COP1: variants seen among roughly 807,000 people sequenced by gnomAD.
COP1 encodes E3 ubiquitin-protein ligase COP1.
Under a neutral mutation model 101.3 loss-of-function variants are expected in COP1, and 24 were observed. The observed-to-expected ratio is 0.24, with a 90% confidence interval of 0.17 to 0.33. The LOEUF is 0.33. Ranked by LOEUF, COP1 falls within the 10% of genes least tolerant of loss-of-function variation. COP1 has a pLI of 1.00. For synonymous variants in COP1, 347 were observed against 341.9 expected (o/e 1.01, Z -0.17); for missense variants, 663 against 906.2 (o/e 0.73, Z 3.45).
chr1:176,051,117 A>G (rs544977109), intron 11 of COP1, among the ~76,000 whole-genome samples: 1 of 152,346 alleles, frequency 6.6e-6, no homozygotes, highest in South Asian at 2.1e-4. Context: ...GATTACAGAC[A>G]ATATATGCAA....
intron 15 of COP1, among the ~76,000 whole-genome samples, chr1:176,007,374 C>G (rs1297921090): frequency 6.6e-6 from 1 of 152,214 alleles, no homozygotes; most frequent in Non-Finnish European, 1.5e-5. Context: ...CAGCTTTGTT[C>G]CGTTGCTGGT....
At chr1:176,065,769 G>A (rs1382429061) in intron 11 of COP1, among the ~76,000 whole-genome samples, 2 of 148,870 alleles carry the variant, frequency 1.3e-5, no homozygotes, top group African/African-American at 2.5e-5. Context: ...GTGCAGTGGC[G>A]CAATCTTGGC....
chr1:176,084,457 C>G (rs1679750480), intron 10 of COP1, among the ~76,000 whole-genome samples: 1 of 152,128 alleles, frequency 6.6e-6, no homozygotes, highest in African/African-American at 2.4e-5. Flanking sequence ...AATACCATCC[C>G]CATCAAGCTA....
chr1:175,991,700 A>C (rs1658519645), intron 15 of COP1, among the ~76,000 whole-genome samples: 1 of 152,216 alleles, frequency 6.6e-6, no homozygotes, highest in Non-Finnish European at 1.5e-5. Context: ...TTTCCTTATA[A>C]GTTAAAAAAT....
At chr1:176,199,102 G>A (rs375694986) in intron 1 of COP1, among the ~76,000 whole-genome samples, 2 of 152,176 alleles carry the variant, frequency 1.3e-5, no homozygotes, top group African/African-American at 4.8e-5. Flanking sequence ...GGGACCATGA[G>A]GTCCAGGGAT....
chr1:176,204,976 G>T (rs1700680424), intron 1 of COP1, among the ~76,000 whole-genome samples: 1 of 152,112 alleles, frequency 6.6e-6, no homozygotes, highest in East Asian at 1.9e-4. Flanking sequence ...ATTCCCTATA[G>T]CATAGCCTGC....
intron 11 of COP1, among the ~76,000 whole-genome samples, chr1:176,049,178 CAAAAA>C (rs61267982): frequency 1.7e-5 from 2 of 118,364 alleles, no homozygotes; most frequent in Non-Finnish European, 3.5e-5. Context: ...GACTCCGTCT[CAAAAA>C]AAAAAAAAAA....
At chr1:176,025,211 T>C (rs1667459137) in intron 15 of COP1, among the ~76,000 whole-genome samples, 1 of 152,054 alleles carries the variant, frequency 6.6e-6, no homozygotes, top group Non-Finnish European at 1.5e-5. Context: ...AGCAGAACAC[T>C]AAAGCTCATT....
intron 15 of COP1, among the ~76,000 whole-genome samples, chr1:176,020,209 G>A (rs1183421708): frequency 6.6e-6 from 1 of 151,678 alleles, no homozygotes; most frequent in African/African-American, 2.4e-5. Flanking sequence ...TACTCAGGAG[G>A]CTGAGGCAGG....
At chr1:176,116,572 C>G in intron 9 of COP1, 52 bp downstream of exon 9, 1 of 1,375,760 alleles carries the variant, frequency 7.3e-7, no homozygotes, top group Non-Finnish European at 1.0e-6. Flanking sequence ...GATTTTATAA[C>G]TCAGATAATT....
intron 18 of COP1, among the ~76,000 whole-genome samples, chr1:175,955,781 C>CAA (rs966884607): frequency 3.3e-5 from 5 of 151,176 alleles, no homozygotes; most frequent in African/African-American, 1.2e-4. Flanking sequence ...CACACACACA[C>CAA]ACACACACAC....
intron 18 of COP1, among the ~76,000 whole-genome samples, chr1:175,950,181 T>C (rs1649696598): frequency 6.6e-6 from 1 of 151,942 alleles, no homozygotes; most frequent in Non-Finnish European, 1.5e-5. Context: ...CTTAACACTA[T>C]TTCCTGCAGA....
intron 18 of COP1, among the ~76,000 whole-genome samples, chr1:175,974,145 T>C (rs939280913): frequency 1.3e-5 from 2 of 152,082 alleles, no homozygotes; most frequent in Non-Finnish European, 2.9e-5. Flanking sequence ...TGGCAGGACA[T>C]AAACTAAACT....
At chr1:176,007,836 G>A (rs893605200) in intron 15 of COP1, among the ~76,000 whole-genome samples, 1 of 152,220 alleles carries the variant, frequency 6.6e-6, no homozygotes, top group African/African-American at 2.4e-5. Context: ...AGCCTACAGA[G>A]GCAGGCAGGC....
chr1:176,206,161 T>C (rs1042224817), intron 1 of COP1, among the ~76,000 whole-genome samples: 5 of 152,134 alleles, frequency 3.3e-5, no homozygotes, highest in African/African-American at 7.2e-5. Flanking sequence ...TCCTCTCCAT[T>C]TGCAAATTTC....
At chr1:176,068,724 C>T (rs1240697675) in intron 11 of COP1, among the ~76,000 whole-genome samples, 1 of 152,132 alleles carries the variant, frequency 6.6e-6, no homozygotes, top group Non-Finnish European at 1.5e-5. Flanking sequence ...TTACTAGTTG[C>T]ACTCTAAAGA....
At position 175,959,695 on chromosome 1, in the gene COP1, T is replaced by C. The variant is rs114305700; in HGVS notation, c.2134-12456A>G. The stretch of plus-strand genomic sequence containing the variant: ...TTATTTAGAAAAATATGTTTATTGG[T>C]TAACTTGAATAGATAATATACACAT... On this transcript the variant is annotated intron_variant, in intron 18 of 19. Transcript: ENST00000367669. 3.6e-3 allele frequency among the ~76,000 whole-genome samples: 546 copies of C among 152,204 alleles called. 3 individuals carry two copies. The highest frequency in any genetic ancestry group is 0.013 in the African/African-American group (525 of 41,552).
chr1:176,181,734 G>C (rs577233261), intron 2 of COP1, among the ~76,000 whole-genome samples: 1 of 151,958 alleles, frequency 6.6e-6, no homozygotes. Context: ...CCAGCTACTC[G>C]GGAGGCTGAG....
At chr1:176,050,501 C>A (rs1672353027) in intron 11 of COP1, among the ~76,000 whole-genome samples, 1 of 152,162 alleles carries the variant, frequency 6.6e-6, no homozygotes, top group Non-Finnish European at 1.5e-5. Context: ...AAAGTAAGAG[C>A]AGTTGTCAAA....
Sources: gnomAD v4.1 joint callset for allele counts (sites outside exome capture counted in the v4.1 genomes callset) on GRCh38, gnomAD v4.1.1 for gene constraint, MANE v1.5 for transcripts, NCBI Gene and HGNC (gene_info 2026-07-23, HGNC 2026-07-21) for gene names.